INPP4B: variants seen among roughly 807,000 people sequenced by gnomAD.
The protein encoded by INPP4B is inositol polyphosphate 4-phosphatase type II.
In INPP4B, 55 loss-of-function variants were observed where a neutral mutation model predicts 122.5. The ratio of observed to expected loss-of-function variants is 0.45; its 90% CI spans 0.36 to 0.56. The LOEUF (loss-of-function observed/expected upper bound fraction) is 0.56. INPP4B is among the 20% of genes least tolerant of loss of function. The probability of loss-of-function intolerance (pLI) is 0.00; values close to 1 mark genes in which losing one functional copy is unlikely to be tolerated. For missense variants in INPP4B, 1,000 were observed against 1,097.7 expected (o/e 0.91, Z 1.26); for synonymous variants, 403 against 388.7 (o/e 1.04, Z -0.43).
At chr4:142,838,122 A>G (rs1314615264) in intron 1 of INPP4B, among the ~76,000 whole-genome samples, 1 of 151,996 alleles carries the variant, frequency 6.6e-6, no homozygotes, top group Admixed American at 6.6e-5. Context: ...CAATAATTCA[A>G]TTGAATTGAA....
chr4:142,389,466 A>G (rs1221682761), intron 7 of INPP4B, among the ~76,000 whole-genome samples: 1 of 152,200 alleles, frequency 6.6e-6, no homozygotes, highest in East Asian at 1.9e-4. Context: ...GTGACTTTTA[A>G]TCTTTGGGAA....
intron 7 of INPP4B, among the ~76,000 whole-genome samples, chr4:142,334,271 C>T (rs372407710): frequency 5.9e-5 from 9 of 152,150 alleles, no homozygotes; most frequent in African/African-American, 1.9e-4. Flanking sequence ...GTATGATACA[C>T]ACAAATACAT....
intron 2 of INPP4B, among the ~76,000 whole-genome samples, chr4:142,616,116 C>A (rs1743636655): frequency 6.6e-6 from 1 of 151,728 alleles, no homozygotes; most frequent in Non-Finnish European, 1.5e-5. Flanking sequence ...TACATAAAAA[C>A]AAAGATTGAC....
chr4:142,561,539 C>T (rs1256400619), intron 2 of INPP4B, among the ~76,000 whole-genome samples: 1 of 152,144 alleles, frequency 6.6e-6, no homozygotes, highest in African/African-American at 2.4e-5. Flanking sequence ...CTGCCTCAGC[C>T]TCTGGAGTAG....
At chr4:142,502,565 T>A (rs2149826281) in intron 2 of INPP4B, among the ~76,000 whole-genome samples, 1 of 152,278 alleles carries the variant, frequency 6.6e-6, no homozygotes, top group Non-Finnish European at 1.5e-5. Flanking sequence ...TTCAGCTCAC[T>A]GCAACCTCCA....
intron 7 of INPP4B, among the ~76,000 whole-genome samples, chr4:142,360,505 G>A (rs78176185): frequency 1.3e-5 from 2 of 151,916 alleles, no homozygotes; most frequent in African/African-American, 4.8e-5. Flanking sequence ...CATATCACAC[G>A]TTTTTATTTC....
intron 2 of INPP4B, among the ~76,000 whole-genome samples, chr4:142,603,129 A>C (rs1331202976): frequency 6.6e-6 from 1 of 152,168 alleles, no homozygotes; most frequent in African/African-American, 2.4e-5. Context: ...TATGCAGAAA[A>C]GGAAAAACAA....
At chr4:142,192,890 T>C (rs1836608560) in intron 15 of INPP4B, among the ~76,000 whole-genome samples, 197 bp downstream of exon 15, 1 of 152,192 alleles carries the variant, frequency 6.6e-6, no homozygotes, top group African/African-American at 2.4e-5. Flanking sequence ...TGCCACTAAC[T>C]AAGCAAGACA....
Position 142,082,023 on chromosome 4 carries a change from T to C in INPP4B, c.2642+8A>G. 7.0e-7 allele frequency: 1 copy of C among 1,423,232 alleles called. No homozygotes were observed. The highest frequency in any genetic ancestry group is 1.4e-5 in the African/African-American group (1 of 70,922). 88.2% of individuals were successfully genotyped at this position (1,423,232 alleles called of 1,614,324 possible). On this transcript the variant is annotated splice_region_variant and intron_variant, in intron 25 of 25. Coordinates refer to ENST00000262992, the MANE Select transcript of INPP4B (RefSeq NM_001101669.3). ...AAAAGAAAAAAACTTGAAAAACATG[T>C]GAGATACCTTCTCATGCAATCCAGC...
In INPP4B at chr4:142,358,878, G is replaced by A. The variant is rs570146562; in HGVS notation, c.372+44060C>T. 8.6e-5 allele frequency among the ~76,000 whole-genome samples: 13 copies of A among 152,046 alleles called. No individual in the cohort carries two copies. In the East Asian group the frequency reaches 2.5e-3, roughly 30 times the overall value. On this transcript the variant is annotated intron_variant, in intron 7 of 25. Coordinates refer to ENST00000262992, the MANE Select transcript of INPP4B (RefSeq NM_001101669.3). ...GATGCAACATTGCTGTGTCTCAACT[G>A]AGCAGTGGTGAGAGGGCTACTTTAG...
chr4:142,761,931 G>T (rs1006142480), intron 1 of INPP4B, among the ~76,000 whole-genome samples: 14 of 152,138 alleles, frequency 9.2e-5, no homozygotes, highest in Admixed American at 7.9e-4. Flanking sequence ...GAACTAGCCA[G>T]ATTATGGTTC....
intron 2 of INPP4B, among the ~76,000 whole-genome samples, chr4:142,604,119 G>A (rs1740686645): frequency 6.6e-6 from 1 of 151,850 alleles, no homozygotes; most frequent in African/African-American, 2.4e-5. Context: ...AGAATAAAGG[G>A]CAAAAATCTT....
chr4:142,631,085 G>T (rs1294808910), intron 2 of INPP4B, among the ~76,000 whole-genome samples: 1 of 151,964 alleles, frequency 6.6e-6, no homozygotes, highest in Non-Finnish European at 1.5e-5. Flanking sequence ...ATGGACACAA[G>T]GCAATAAATC....
chr4:142,343,149 C>A (rs1779212028), intron 7 of INPP4B, among the ~76,000 whole-genome samples: 1 of 152,076 alleles, frequency 6.6e-6, no homozygotes, highest in African/African-American at 2.4e-5. Flanking sequence ...TAAAGGATTT[C>A]ATTTATGTGC....
At chr4:142,767,899 G>A (rs2150990093) in intron 1 of INPP4B, 1 of 152,296 alleles carries the variant, frequency 6.6e-6, no homozygotes, top group South Asian at 2.1e-4. Context: ...TCTGTGCCAG[G>A]ACATTAGAAA....
At chr4:142,485,091 G>A (rs975765960) in intron 2 of INPP4B, among the ~76,000 whole-genome samples, 1 of 152,070 alleles carries the variant, frequency 6.6e-6, no homozygotes, top group Non-Finnish European at 1.5e-5. Flanking sequence ...GGGAATAGAA[G>A]TAGCCTCCAG....
intron 1 of INPP4B, among the ~76,000 whole-genome samples, chr4:142,772,138 A>G (rs1773170764): frequency 6.6e-6 from 1 of 152,156 alleles, no homozygotes; most frequent in East Asian, 1.9e-4. Context: ...TTGGAGATAA[A>G]AATTTGTGAG....
chr4:142,117,394 A>T (rs904254451), intron 21 of INPP4B, among the ~76,000 whole-genome samples: 3 of 152,208 alleles, frequency 2.0e-5, no homozygotes, highest in Non-Finnish European at 4.4e-5. Context: ...TCTGATGAAC[A>T]TTGATGCAAA....
At position 142,705,767 on chromosome 4, in the gene INPP4B, TTAA is replaced by T. The variant is rs536593837; in HGVS notation, c.-191+20069_-191+20071del. Among the ~76,000 whole-genome samples, 54 of 152,302 alleles carry T rather than the reference TTAA, an allele frequency of 3.5e-4. No individual in the cohort carries two copies. The South Asian group carries it at 0.01, about 29-fold the overall frequency. On this transcript the variant is annotated intron_variant, in intron 2 of 25. Coordinates refer to ENST00000262992, the MANE Select transcript of INPP4B (RefSeq NM_001101669.3). ...TAAACTCCAGTCTCACAGGATTATC[TTAA>T]TAATTAAATGAGATAATGTACAAGG...
Sources: gnomAD v4.1 joint callset for allele counts (sites outside exome capture counted in the v4.1 genomes callset) on GRCh38, gnomAD v4.1.1 for gene constraint, MANE v1.5 for transcripts, NCBI Gene and HGNC (gene_info 2026-07-23, HGNC 2026-07-21) for gene names.